Variants in NRF1 observed in about 807,000 individuals in gnomAD.
NRF1 encodes alpha palindromic-binding protein.
NRF1 carries 5 observed loss-of-function variants against 58.5 expected under a neutral mutation model. The observed-to-expected ratio is 0.09, with a 90% CI of 0.04 to 0.18. NRF1 has a LOEUF of 0.18. Among genes scored for constraint, NRF1 ranks in the 10% least tolerant of loss-of-function variants. NRF1 has a pLI of 1.00. For synonymous variants in NRF1, 224 were observed against 246.7 expected (o/e 0.91, Z 0.86); for missense variants, 288 against 657.7 (o/e 0.44, Z 6.15).
At chr7:129,655,820 C>G (rs1801641761) in intron 1 of NRF1, among the ~76,000 whole-genome samples, 2 of 152,122 alleles carry the variant, frequency 1.3e-5, no homozygotes, top group African/African-American at 2.4e-5. Context: ...CCTCGGCCAG[C>G]CTTCTTCCTA....
chr7:129,669,533 G>C (rs1801998960), intron 2 of NRF1, among the ~76,000 whole-genome samples: 1 of 152,114 alleles, frequency 6.6e-6, no homozygotes, highest in South Asian at 2.1e-4. Flanking sequence ...ATGTTTTTAA[G>C]TTTTCATAAT....
chr7:129,748,057 C>T lies in NRF1; in HGVS notation c.1349-6961C>T, dbSNP rs553699100. 2.4e-3 allele frequency among the ~76,000 whole-genome samples: 369 copies of T among 152,106 alleles called. 1 individual carries two copies. Among genetic ancestry groups the T allele is most frequent in the Non-Finnish European group, 3.5e-3 (239 of 67,972 alleles). ...TTGGGAGGCCGAGGCAGGTGAATCA[C>T]GAGGTCAGGAGTTCAAGACCAGCCT... On this transcript the variant is annotated intron_variant, in intron 10 of 10. Coordinates refer to ENST00000393232, the MANE Select transcript of NRF1 (RefSeq NM_005011.5).
chr7:129,655,823 T>A (rs1272457963), intron 1 of NRF1, among the ~76,000 whole-genome samples: 1 of 152,206 alleles, frequency 6.6e-6, no homozygotes, highest in African/African-American at 2.4e-5. Flanking sequence ...CGGCCAGCCT[T>A]CTTCCTAATC....
chr7:129,730,383 GAAC>G (rs1413802835), intron 10 of NRF1, among the ~76,000 whole-genome samples: 1 of 152,104 alleles, frequency 6.6e-6, no homozygotes, highest in Non-Finnish European at 1.5e-5. Flanking sequence ...GATGATAGCA[GAAC>G]AAGGTGCTGT....
At chr7:129,751,413 T>C (rs575741617) in intron 10 of NRF1, among the ~76,000 whole-genome samples, 20 of 151,878 alleles carry the variant, frequency 1.3e-4, no homozygotes, top group Non-Finnish European at 2.4e-4. Flanking sequence ...TATCAGCCAA[T>C]AGATAGATTT....
intron 1 of NRF1, among the ~76,000 whole-genome samples, chr7:129,645,240 T>G (rs1307785262): frequency 2.6e-5 from 4 of 152,194 alleles, no homozygotes; most frequent in Non-Finnish European, 1.5e-5. Flanking sequence ...TTTCCTTCAT[T>G]TGACAGATGT....
In NRF1 at chr7:129,644,535, A is replaced by C. The variant is rs547147447; in HGVS notation, c.-6-12811A>C. 1.6e-4 allele frequency among the ~76,000 whole-genome samples: 25 copies of C among 152,370 alleles called. No homozygotes were observed. The South Asian group carries it at 3.7e-3, about 23-fold the overall frequency. ...CTGTTCAATATAGTAGCCACAAGCCACATATGGCCATTTAATATTAATTAA... is the reference window on the plus strand; with the variant it reads ...CTGTTCAATATAGTAGCCACAAGCCCCATATGGCCATTTAATATTAATTAA... On this transcript the variant is annotated intron_variant, in intron 1 of 10. Coordinates refer to ENST00000393232, the MANE Select transcript of NRF1 (RefSeq NM_005011.5).
chr7:129,688,931 TTGTG>T (rs10552151), intron 4 of NRF1, among the ~76,000 whole-genome samples: 4 of 150,976 alleles, frequency 2.6e-5, no homozygotes, highest in South Asian at 4.2e-4. Context: ...TAAGATTCAT[TTGTG>T]TGTGTGTGTG....
intron 4 of NRF1, among the ~76,000 whole-genome samples, chr7:129,689,221 A>T (rs1224302005): frequency 6.6e-6 from 1 of 152,130 alleles, no homozygotes; most frequent in African/African-American, 2.4e-5. Context: ...AGCCAGTAAT[A>T]ATATTTATTT....
intron 1 of NRF1, among the ~76,000 whole-genome samples, chr7:129,647,300 G>A (rs1801431120): frequency 6.6e-6 from 1 of 152,042 alleles, no homozygotes; most frequent in African/African-American, 2.4e-5. Context: ...CGGGATTACG[G>A]GCATGAGCCA....
chr7:129,717,528 A>G (rs1288592705), intron 9 of NRF1, 152 bp downstream of exon 9: 2 of 796,550 alleles, frequency 2.5e-6, no homozygotes, highest in Admixed American at 3.6e-5. Context: ...AGTTTGGCCT[A>G]TAATAGGTCA....
In NRF1 at chr7:129,756,582, CTGACT is replaced by C. The variant is rs1804263596; in HGVS notation, c.*1403_*1407del. The C allele has an allele frequency of 6.5e-6, 1 of 152,686 alleles. No individual in the cohort carries two copies. The highest frequency in any genetic ancestry group is 2.1e-4 in the South Asian group (1 of 4,822). The allele number at this position is 152,686 out of a possible 1,614,324, so 9.5% of individuals were successfully genotyped here. A position where few individuals can be genotyped will look rare whatever the true frequency, so the allele number is the denominator to read the frequency against. On this transcript the variant is annotated 3_prime_UTR_variant, in exon 11 of 11. Transcript: ENST00000393232. ...CTGAGTCTCCAGTAGCTGAATTCAC[CTGACT>C]TTTCAACAGGCCAAATCTCTGAACC...
chr7:129,747,510 A>ACTT (rs1804004952), intron 10 of NRF1, among the ~76,000 whole-genome samples: 1 of 152,142 alleles, frequency 6.6e-6, no homozygotes, highest in African/African-American at 2.4e-5. Flanking sequence ...ACTCCATCAA[A>ACTT]CTTCATACTC....
intron 8 of NRF1, among the ~76,000 whole-genome samples, chr7:129,715,420 A>G (rs1216630373): frequency 6.6e-6 from 1 of 152,140 alleles, no homozygotes; most frequent in African/African-American, 2.4e-5. Context: ...TATGATTTTT[A>G]TTTTTGGGTT....
chr7:129,709,918 T>C (rs1253855280), intron 6 of NRF1, among the ~76,000 whole-genome samples: 1 of 151,948 alleles, frequency 6.6e-6, no homozygotes, highest in Admixed American at 6.6e-5. Flanking sequence ...TCAGTAGAGA[T>C]GGGGTTTCTC....
intron 10 of NRF1, among the ~76,000 whole-genome samples, chr7:129,732,725 C>A (rs774707199): frequency 7.9e-5 from 12 of 152,062 alleles, no homozygotes; most frequent in Non-Finnish European, 1.6e-4. Flanking sequence ...GCCTCAGCCT[C>A]CCGAGTAGCT....
intron 5 of NRF1, among the ~76,000 whole-genome samples, chr7:129,699,257 C>CA (rs1227461903): frequency 6.6e-6 from 1 of 152,146 alleles, no homozygotes; most frequent in Non-Finnish European, 1.5e-5. Flanking sequence ...ACAAAACAGT[C>CA]AGTCAGTTAT....
chr7:129,754,053 G>A (rs1425294013), intron 10 of NRF1, among the ~76,000 whole-genome samples: 1 of 152,194 alleles, frequency 6.6e-6, no homozygotes, highest in Non-Finnish European at 1.5e-5. Context: ...ACGGGCCTGT[G>A]CTTCCTAGAT....
At chr7:129,622,548 G>T (rs987043640) in intron 1 of NRF1, among the ~76,000 whole-genome samples, 2 of 150,464 alleles carry the variant, frequency 1.3e-5, no homozygotes, top group Admixed American at 1.3e-4. Context: ...GCATGGTTTA[G>T]ATATTTTTCT....
Sources: gnomAD v4.1 joint callset for allele counts (sites outside exome capture counted in the v4.1 genomes callset) on GRCh38, gnomAD v4.1.1 for gene constraint, MANE v1.5 for transcripts, NCBI Gene and HGNC (gene_info 2026-07-23, HGNC 2026-07-21) for gene names.